Variants in STPG1 observed in about 807,000 individuals in gnomAD.
STPG1 encodes O(6)-methylguanine-induced apoptosis 2.
In STPG1, 33 loss-of-function variants were observed where a neutral mutation model predicts 40.1. The observed-to-expected ratio is 0.82, with a 90% confidence interval of 0.62 to 1.10. The LOEUF (loss-of-function observed/expected upper bound fraction) is 1.10. STPG1 is among the 50% of genes least tolerant of loss of function. STPG1 has a pLI of 0.00. For missense variants in STPG1, 396 were observed against 415.1 expected (o/e 0.95, Z 0.40); for synonymous variants, 150 against 155.0 (o/e 0.97, Z 0.24).
intron 2 of STPG1, among the ~76,000 whole-genome samples, chr1:24,393,866 T>C (rs1356801676): frequency 6.6e-6 from 1 of 152,186 alleles, no homozygotes; most frequent in Non-Finnish European, 1.5e-5. Context: ...TCCCCAGCTT[T>C]CTGCCAGGAG....
rs138455088 is a variant in STPG1, at chr1:24,383,957, G to A, written c.236C>T (p.Pro79Leu). ...GGACAATGAGACACTGTTGGACACC[G>A]GTGACTGGTGAATAACATTGTAGAA... The part of the protein sequence containing the change: ...PGFYNVIHQS[P>L]VSNSVSLSKK... The change falls in exon 4 of 9, where the codon CCG becomes CTG. Residue 79 changes from proline to leucine, a missense_variant. By Grantham distance (98) the Pro-to-Leu change is moderately conservative (BLOSUM62 -3). Coordinates refer to ENST00000337248, the MANE Select transcript of STPG1 (RefSeq NM_001199013.2). The A allele has an allele frequency of 2.0e-5, 32 of 1,613,982 alleles. No individual in the cohort carries two copies. Among genetic ancestry groups the A allele is most frequent in the African/African-American group, 1.2e-4 (9 of 75,048 alleles).
intron 1 of STPG1, among the ~76,000 whole-genome samples, chr1:24,402,034 T>C (rs533420483): frequency 1.5e-4 from 23 of 152,296 alleles, no homozygotes; most frequent in African/African-American, 5.3e-4. Context: ...TATACACAAA[T>C]AAAATTCATC....
At chr1:24,388,263 C>A (rs1188569212) in intron 3 of STPG1, among the ~76,000 whole-genome samples, 1 of 152,132 alleles carries the variant, frequency 6.6e-6, no homozygotes, top group African/African-American at 2.4e-5. Flanking sequence ...TGACCACAAT[C>A]CAGGGTGAAG....
chr1:24,373,338 C>A (rs1219588736), intron 6 of STPG1, among the ~76,000 whole-genome samples: 1 of 152,198 alleles, frequency 6.6e-6, no homozygotes, highest in African/African-American at 2.4e-5. Context: ...GATGTATGGT[C>A]ATGCCCTGTA....
At chr1:24,382,549 A>G (rs185572476) in intron 4 of STPG1, among the ~76,000 whole-genome samples, 122 of 152,170 alleles carry the variant, frequency 8.0e-4, no homozygotes, top group African/African-American at 2.9e-3. Context: ...CTACACCAGG[A>G]CTTCATGAGA....
chr1:24,374,405 C>T (rs1641920693), intron 5 of STPG1, among the ~76,000 whole-genome samples: 1 of 151,224 alleles, frequency 6.6e-6, no homozygotes, highest in African/African-American at 2.4e-5. Flanking sequence ...ACTATAGGTG[C>T]CTACCACCAC....
chr1:24,363,704 G>C (rs1479063419), intron 7 of STPG1, among the ~76,000 whole-genome samples: 1 of 152,208 alleles, frequency 6.6e-6, no homozygotes, highest in Non-Finnish European at 1.5e-5. Context: ...TGAAAGCAGA[G>C]AGAAAGAGAC....
intron 8 of STPG1, among the ~76,000 whole-genome samples, chr1:24,358,871 A>C (rs1341200583): frequency 6.6e-6 from 1 of 152,162 alleles, no homozygotes; most frequent in Admixed American, 6.5e-5. Context: ...AATTTACAAA[A>C]CTATTTTCTA....
intron 2 of STPG1, among the ~76,000 whole-genome samples, chr1:24,395,521 C>T (rs1282568893): frequency 6.6e-6 from 1 of 150,888 alleles, no homozygotes; most frequent in Non-Finnish European, 1.5e-5. Context: ...CAAGCTCTGC[C>T]TCCCGGGTTC....
chr1:24,360,860 G>C lies in STPG1; in HGVS notation c.919C>G (p.Pro307Ala). Reference sequence around the variant, plus strand: ...AAAACAATCCTCTGACCTGGGCCAGGCAGGCCTGGCTGAGGCGGCGCCGCT... The same window carrying C: ...AAAACAATCCTCTGACCTGGGCCAGCCAGGCCTGGCTGAGGCGGCGCCGCT... ...WTAAPPQPGL[P>A]GPATYKPELP... Residue 307 changes from proline to alanine, a missense_variant, in exon 8 of 9, where the codon CCT (proline) becomes GCT (alanine). Coordinates refer to ENST00000337248, the MANE Select transcript of STPG1 (RefSeq NM_001199013.2). 6.2e-7 allele frequency: 1 copy of C among 1,612,038 alleles called. No homozygotes were observed. The highest frequency in any genetic ancestry group is 8.5e-7 in the Non-Finnish European group (1 of 1,179,096).
intron 3 of STPG1, among the ~76,000 whole-genome samples, chr1:24,388,931 G>C (rs985894770): frequency 2.6e-5 from 4 of 152,180 alleles, no homozygotes; most frequent in African/African-American, 9.7e-5. Context: ...TCAAGTGACT[G>C]GTTTAAAGGC....
chr1:24,390,912 T>G (rs1481643499), intron 3 of STPG1, among the ~76,000 whole-genome samples: 1 of 151,960 alleles, frequency 6.6e-6, no homozygotes, highest in African/African-American at 2.4e-5. Flanking sequence ...TGATCCTCCT[T>G]CCTCAGCCTC....
intron 4 of STPG1, among the ~76,000 whole-genome samples, chr1:24,381,104 A>T (rs1028248593): frequency 3.3e-5 from 5 of 152,120 alleles, no homozygotes; most frequent in African/African-American, 1.2e-4. Flanking sequence ...CAGCTAATTC[A>T]GGCGGAGGAC....
intron 5 of STPG1, among the ~76,000 whole-genome samples, chr1:24,377,714 C>A (rs1373762370): frequency 6.6e-6 from 1 of 152,162 alleles, no homozygotes; most frequent in Non-Finnish European, 1.5e-5. Context: ...TAAGCTGTAT[C>A]ACCAGCCTGG....
intron 7 of STPG1, chr1:24,364,226 C>T (rs1016021379): frequency 1.9e-6 from 3 of 1,544,624 alleles, no homozygotes; most frequent in South Asian, 2.4e-5. Flanking sequence ...CGCCACCCCC[C>T]ACCTGACTGT....
intron 1 of STPG1, among the ~76,000 whole-genome samples, chr1:24,412,665 C>T (rs963425817): frequency 6.6e-6 from 1 of 152,092 alleles, no homozygotes; most frequent in Non-Finnish European, 1.5e-5. Flanking sequence ...CAAGACTACC[C>T]TGGGCAACAT....
At chr1:24,396,735 T>C (rs1322557728) in intron 2 of STPG1, among the ~76,000 whole-genome samples, 1 of 151,942 alleles carries the variant, frequency 6.6e-6, no homozygotes, top group Non-Finnish European at 1.5e-5. Context: ...GAGATAAAAT[T>C]GAAGCATTAA....
rs1472904455 is a variant in STPG1, at chr1:24,399,676, T to A, written c.70+1643A>T. Among the ~76,000 whole-genome samples the A allele has an allele frequency of 6.6e-6, 1 of 151,302 alleles. No homozygotes were observed. On this transcript the variant is annotated intron_variant, in intron 2 of 8. Coordinates refer to ENST00000337248, the MANE Select transcript of STPG1 (RefSeq NM_001199013.2). This position sits in a 1 kb window ranked among gnomAD's most constrained non-coding sequence, Gnocchi z 4.0. ...TTCTAGAATAAAGAATCCCTATAAATAAGAAAAGGACAGAATGGTTTAAAG... is the reference window on the plus strand; with the variant it reads ...TTCTAGAATAAAGAATCCCTATAAAAAAGAAAAGGACAGAATGGTTTAAAG...
In STPG1 at chr1:24,390,359, G is replaced by A. The variant is rs28698993; in HGVS notation, c.189+1202C>T. Among the ~76,000 whole-genome samples the A allele has an allele frequency of 5.3e-5, 8 of 152,160 alleles. 1 individual carries two copies. Among genetic ancestry groups the A allele is most frequent in the Non-Finnish European group, 8.8e-5 (6 of 68,016 alleles). The stretch of plus-strand genomic sequence containing the variant: ...CCAGGTTAGAGAGGAAAAGAGATGC[G>A]GCAAGATTTAGGGAAGGGGGGGTGG... On this transcript the variant is annotated intron_variant, in intron 3 of 8. Coordinates refer to ENST00000337248, the MANE Select transcript of STPG1 (RefSeq NM_001199013.2).
Sources: allele counts gnomAD v4.1 joint callset (sites outside exome capture counted in the v4.1 genomes callset), GRCh38; gene constraint gnomAD v4.1.1; non-coding constraint Gnocchi (gnomAD v3.1); transcripts MANE v1.5; gene names NCBI Gene and HGNC (gene_info 2026-07-23, HGNC 2026-07-21).